Variants in ELL observed in about 807,000 individuals in gnomAD.
The protein encoded by ELL is RNA polymerase II elongation factor ELL.
Under a neutral mutation model 64.0 loss-of-function variants are expected in ELL, and 18 were observed. The ratio of observed to expected loss-of-function variants is 0.28; its 90% CI spans 0.19 to 0.42. ELL has a LOEUF of 0.42. Ranked by LOEUF, ELL falls within the 10% of genes least tolerant of loss-of-function variation. The pLI, the probability that ELL is intolerant of heterozygous loss-of-function variation, is 1.00. For synonymous variants in ELL, 399 were observed against 376.2 expected (o/e 1.06, Z -0.70); for missense variants, 797 against 870.4 (o/e 0.92, Z 1.06).
chr19:18,462,599 C>G lies in ELL; in HGVS notation c.470-747G>C, dbSNP rs140887744. Among the ~76,000 whole-genome samples the G allele has an allele frequency of 8.5e-5, 13 of 152,076 alleles. No homozygotes were observed. The East Asian group carries it at 2.5e-3, about 29-fold the overall frequency. On this transcript the variant is annotated intron_variant, in intron 4 of 11. Transcript: ENST00000262809. ...GTCTCACTATGCTGCCCAGACTGGTCTCAAACTCATGGGCCCAAAGGACCC... is the reference window on the plus strand; with the variant it reads ...GTCTCACTATGCTGCCCAGACTGGTGTCAAACTCATGGGCCCAAAGGACCC...
chr19:18,453,732 A>AT (rs1001588447), intron 6 of ELL, among the ~76,000 whole-genome samples: 2 of 152,152 alleles, frequency 1.3e-5, no homozygotes, highest in Admixed American at 6.5e-5. Flanking sequence ...TAATTTTTTC[A>AT]TTTTTTGTAG....
At chr19:18,513,838 G>A (rs2144979383) in intron 1 of ELL, among the ~76,000 whole-genome samples, 2 of 152,268 alleles carry the variant, frequency 1.3e-5, no homozygotes, top group East Asian at 3.9e-4. Context: ...GGCTGAGGCA[G>A]GAGAATGGCA....
At chr19:18,451,802 G>C (rs1334710335) in intron 6 of ELL, among the ~76,000 whole-genome samples, 154 bp from the exon 7 acceptor site, 1 of 152,174 alleles carries the variant, frequency 6.6e-6, no homozygotes, top group African/African-American at 2.4e-5. Context: ...AGGAGCCTGG[G>C]CCTGAGGCCA....
intron 1 of ELL, among the ~76,000 whole-genome samples, chr19:18,505,271 C>T (rs2144969106): frequency 6.6e-6 from 1 of 152,304 alleles, no homozygotes; most frequent in South Asian, 2.1e-4. Flanking sequence ...AAATGCAATC[C>T]CAACTAGTTA....
chr19:18,455,963 T>TG (rs1254028441), intron 6 of ELL, among the ~76,000 whole-genome samples: 1 of 151,656 alleles, frequency 6.6e-6, no homozygotes, highest in African/African-American at 2.4e-5. Flanking sequence ...CCGGGCATGG[T>TG]GCGCATGCCT....
chr19:18,504,440 T>C (rs1310167851), intron 1 of ELL, among the ~76,000 whole-genome samples: 1 of 151,680 alleles, frequency 6.6e-6, no homozygotes. Flanking sequence ...AACTCCCATC[T>C]GAAATTGCCA....
At chr19:18,512,499 C>A (rs755506317) in intron 1 of ELL, among the ~76,000 whole-genome samples, 2 of 146,912 alleles carry the variant, frequency 1.4e-5, no homozygotes, top group African/African-American at 2.5e-5. Context: ...AGCAACCAGG[C>A]GTGATGATGG....
chr19:18,459,411 G>A (rs1053997661), intron 5 of ELL, among the ~76,000 whole-genome samples: 2 of 152,238 alleles, frequency 1.3e-5, no homozygotes, highest in Non-Finnish European at 2.9e-5. Context: ...AGTGGGTGCT[G>A]CGTGCTGGCC....
intron 1 of ELL, among the ~76,000 whole-genome samples, chr19:18,475,164 GAA>G (rs1268565318): frequency 2.0e-5 from 3 of 152,034 alleles, no homozygotes; most frequent in Non-Finnish European, 4.4e-5. Context: ...ACACAGACAT[GAA>G]AAAGAGACCT....
chr19:18,494,542 C>T (rs753144091), intron 1 of ELL, among the ~76,000 whole-genome samples: 4 of 152,082 alleles, frequency 2.6e-5, no homozygotes, highest in Non-Finnish European at 5.9e-5. Context: ...GGATGCCTGC[C>T]ACCACACCTG....
rs115392297 is a variant in ELL at position 18,443,804 on chromosome 19, T to C, written c.*948A>G. 2,579 of 232,914 alleles carry C rather than the reference T, an allele frequency of 0.011. 57 individuals are homozygous for C. Among genetic ancestry groups the C allele is most frequent in the African/African-American group, 0.05 (2,290 of 45,396 alleles). The allele number at this position is 232,914 out of a possible 1,614,324, so 14.4% of individuals were successfully genotyped here. A position where few individuals can be genotyped will look rare whatever the true frequency, so the allele number is the denominator to read the frequency against. ...TCAGCCCCTCCCTGAGTGCAAACCT[T>C]GGCGGTGGCTCTGCTAAGACGACCC... On this transcript the variant is annotated 3_prime_UTR_variant, in exon 12 of 12. Transcript: ENST00000262809.
chr19:18,465,770 G>A (rs1452104332), intron 3 of ELL, 27 bp downstream of exon 3: 24 of 1,422,402 alleles, frequency 1.7e-5, no homozygotes, highest in Non-Finnish European at 2.2e-5. Flanking sequence ...AGCCGGCGGG[G>A]TGCTCTGGGG....
rs551028633 is a variant in ELL, at chr19:18,455,889, C to T, written c.869+2316G>A. Among the ~76,000 whole-genome samples the T allele has an allele frequency of 9.2e-5, 14 of 151,858 alleles. No individual in the cohort carries two copies. In the South Asian group the frequency reaches 1.5e-3, roughly 16 times the overall value. ...TGAGGTGGGCGGATCACCTGAGATC[C>T]GGAGTTTGAGACCAGCCTGACCAAC... On this transcript the variant is annotated intron_variant, in intron 6 of 11. Transcript: ENST00000262809.
At position 18,509,658 on chromosome 19, in the gene ELL, C is replaced by T. The variant is rs948074716; in HGVS notation, c.135+12263G>A. ...ACACACACACACACACACACACACA[C>T]TCCCCTCCCCAACTGGAGGCCTGGG... On this transcript the variant is annotated intron_variant, in intron 1 of 11. Coordinates refer to ENST00000262809, the MANE Select transcript of ELL (RefSeq NM_006532.4). 1.2e-4 allele frequency among the ~76,000 whole-genome samples: 18 copies of T among 145,944 alleles called. No individual in the cohort carries two copies. In the South Asian group the frequency reaches 1.3e-3, roughly 11 times the overall value.
At chr19:18,521,216 C>T (rs1976262923) in intron 1 of ELL, among the ~76,000 whole-genome samples, 1 of 152,060 alleles carries the variant, frequency 6.6e-6, no homozygotes, top group South Asian at 2.1e-4. Context: ...TTCCACTCTC[C>T]AAGGAACCTC....
chr19:18,454,391 C>G (rs1045406482), intron 6 of ELL, among the ~76,000 whole-genome samples: 6 of 151,972 alleles, frequency 3.9e-5, no homozygotes, highest in Non-Finnish European at 7.4e-5. Context: ...CCCAGCTACT[C>G]GCGAGGCTGA....
chr19:18,494,357 G>A (rs1213908972), intron 1 of ELL, among the ~76,000 whole-genome samples: 1 of 152,000 alleles, frequency 6.6e-6, no homozygotes, highest in Non-Finnish European at 1.5e-5. Context: ...CCCAGCCCAC[G>A]TAGGAAGGAA....
At chr19:18,482,336 T>TTTA (rs781472836) in intron 1 of ELL, among the ~76,000 whole-genome samples, 1 of 128,012 alleles carries the variant, frequency 7.8e-6, no homozygotes, top group Non-Finnish European at 1.7e-5. Context: ...TTTTTTTTTT[T>TTTA]AAACAGGGTC....
chr19:18,490,032 G>C (rs1269649229), intron 1 of ELL, among the ~76,000 whole-genome samples: 3 of 152,190 alleles, frequency 2.0e-5, no homozygotes, highest in Non-Finnish European at 4.4e-5. Flanking sequence ...CGCGGGGCCA[G>C]CCAGGCCAGG....
Sources: allele counts gnomAD v4.1 joint callset (sites outside exome capture counted in the v4.1 genomes callset), GRCh38; gene constraint gnomAD v4.1.1; transcripts MANE v1.5; gene names NCBI Gene and HGNC (gene_info 2026-07-23, HGNC 2026-07-21).